ABCA2: variants seen among roughly 807,000 people sequenced by gnomAD.
The protein encoded by ABCA2 is ATP binding cassette subfamily A member 2, also known as ATP-binding cassette sub-family A member 2.
Under a neutral mutation model 262.8 loss-of-function variants are expected in ABCA2, and 84 were observed. The observed-to-expected ratio is 0.32, with a 90% confidence interval of 0.27 to 0.38. ABCA2 has a LOEUF of 0.38. Among genes scored for constraint, ABCA2 ranks in the 10% least tolerant of loss-of-function variants. The probability of loss-of-function intolerance (pLI) is 1.00; values close to 1 mark genes in which losing one functional copy is unlikely to be tolerated. For missense variants in ABCA2, 2,662 were observed against 3,405.9 expected (o/e 0.78, Z 5.44); for synonymous variants, 1,696 against 1,502.9 (o/e 1.13, Z -2.97).
Position 137,018,365 on chromosome 9 carries a change from G to A in ABCA2, c.1820-14C>T. 1 of 1,509,458 alleles carries A rather than the reference G, an allele frequency of 6.6e-7. No homozygotes were observed. 93.5% of individuals were successfully genotyped at this position (1,509,458 alleles called of 1,614,324 possible). ...GGAAGATCACACCTGGGGCCGGGAG[G>A]TTGGGGCGGGGCCAAGATGCAGGGG... On this transcript the variant is annotated splice_polypyrimidine_tract_variant and intron_variant, in intron 13 of 48. Coordinates refer to ENST00000341511, the MANE Select transcript of ABCA2 (RefSeq NM_001606.5).
chr9:137,009,947 C>T (rs376789158), intron 42 of ABCA2, 36 bp downstream of exon 42: 67 of 1,596,046 alleles, frequency 4.2e-5, no homozygotes, highest in Non-Finnish European at 5.2e-5. Flanking sequence ...GGCCACCCAG[C>T]GTGCTGACTC....
Position 137,022,145 on chromosome 9 carries a change from G to A in ABCA2, c.568-144C>T, listed in dbSNP as rs1376736809. ...AGTGGGGGCGTGGCTCAGATGGTGG[G>A]GGCGTGGCTCCGATGTAGGTGTGGG... On this transcript the variant is annotated intron_variant, in intron 6 of 48. Coordinates refer to ENST00000341511, the MANE Select transcript of ABCA2 (RefSeq NM_001606.5). The A allele has an allele frequency of 1.6e-5, 10 of 635,164 alleles. No homozygotes were observed. In the Admixed American group the frequency reaches 1.6e-4, roughly 10 times the overall value. The allele number at this position is 635,164 out of a possible 1,614,324, so 39.3% of individuals were successfully genotyped here. A position where few individuals can be genotyped will look rare whatever the true frequency, so the allele number is the denominator to read the frequency against.
At chr9:137,022,051 AGATGGTGGGGGCGTGGCTCC>A in intron 6 of ABCA2, 50 bp from the exon 7 acceptor site, 1 of 165,126 alleles carries the variant, frequency 6.1e-6, no homozygotes, top group Non-Finnish European at 9.2e-6. Flanking sequence ...GGCGTGGCTC[AGATGGTGGGGGCGTGGCTCC>A]GATGGACGTG....
rs777584299 is a variant in ABCA2, at chr9:137,011,358, C to T, written c.5799+49G>A. On this transcript the variant is annotated intron_variant, in intron 37 of 48. Coordinates refer to ENST00000341511, the MANE Select transcript of ABCA2 (RefSeq NM_001606.5). The surrounding 1 kb of genome is among the most constrained non-coding windows in gnomAD (Gnocchi z 8.8). ...GCACAGGGGTGGCCGGGGTGAGGGG[C>T]ACAGCCTCCGCAGGGTCCGCCACCC... 5.6e-6 allele frequency: 9 copies of T among 1,604,914 alleles called. No individual in the cohort carries two copies. Among genetic ancestry groups the T allele is most frequent in the Admixed American group, 1.7e-5 (1 of 59,482 alleles).
chr9:137,024,339 C>A, intron 1 of ABCA2, 103 bp from the exon 2 acceptor site: 1 of 1,004,336 alleles, frequency 1.0e-6, no homozygotes, highest in Non-Finnish European at 1.4e-6. Flanking sequence ...ACCACGTGCT[C>A]CCTGGGGCCA....
chr9:137,021,559 A>C lies in ABCA2; in HGVS notation c.730T>G (p.Ser244Ala), dbSNP rs1831454441. ...GTGAGGATCCGGCCCAGCTCCCCCGAGCCCGGCGTGCAGGTGAGCTGCTCC... is the reference window on the plus strand; with the variant it reads ...GTGAGGATCCGGCCCAGCTCCCCCGCGCCCGGCGTGCAGGTGAGCTGCTCC... ...LLEQLTCTPG[S>A]GELGRILTVP... Residue 244 changes from serine (S) to alanine (A), a missense_variant, in exon 8 of 49, where the codon TCG becomes GCG. Transcript: ENST00000341511. The surrounding 1 kb of genome is among the most constrained non-coding windows in gnomAD (Gnocchi z 6.0). 1 of 1,581,534 alleles carries C rather than the reference A, an allele frequency of 6.3e-7. No homozygotes were observed. Among genetic ancestry groups the C allele is most frequent in the African/African-American group, 1.3e-5 (1 of 74,106 alleles).
At chr9:137,009,327 C>G (rs757469451) in intron 45 of ABCA2, 43 bp downstream of exon 45, 70 of 1,069,488 alleles carry the variant, frequency 6.5e-5, no homozygotes, top group Admixed American at 5.2e-4. Flanking sequence ...GGCCGCCCCC[C>G]CCGGGCCCGC....
chr9:137,026,250 T>C (rs1831650053), intron 1 of ABCA2, among the ~76,000 whole-genome samples: 1 of 151,910 alleles, frequency 6.6e-6, no homozygotes, highest in Admixed American at 6.6e-5. Flanking sequence ...AGCACAGAGG[T>C]CCTTGGCACC....
In ABCA2 at chr9:137,010,982, C is replaced by T. The variant is rs369178158; in HGVS notation, c.6047G>A (p.Arg2016Gln). ...LTIMCQYNFL[R>Q]RPQRMPVSTK... ...CCCGCCCCCCACTCACTGTGGCCGC[C>T]GCAGGAAGTTGTACTGGCACATGAT... Residue 2016 changes from arginine to glutamine, a missense_variant, in exon 39 of 49, where the codon CGG becomes CAG. Coordinates refer to ENST00000341511, the MANE Select transcript of ABCA2 (RefSeq NM_001606.5). The T allele has an allele frequency of 8.9e-6, 14 of 1,580,938 alleles. No individual in the cohort carries two copies. The highest frequency in any genetic ancestry group is 2.1e-4 in the Middle Eastern group (1 of 4,816).
chr9:137,010,911 C>T, intron 39 of ABCA2, 62 bp downstream of exon 39: 1 of 525,236 alleles, frequency 1.9e-6, no homozygotes, highest in Middle Eastern at 5.6e-4. Context: ...CCCTACCCTG[C>T]CCCACCCCCG....
rs773000642 is a variant in ABCA2 at position 137,017,999 on chromosome 9, G to A, written c.2070C>T (p.Phe690=). 2.1e-5 allele frequency: 34 copies of A among 1,612,666 alleles called. No homozygotes were observed. The highest frequency in any genetic ancestry group is 1.6e-4 in the East Asian group (7 of 44,904). The part of the protein sequence containing the change: ...VVEPGSYVQM[F]PYPCYTRDDF... ...CATCGCGTGTGTAGCAGGGGTAGGGGAACATCTGCACGTAGCTGCCTGGCT... is the reference window on the plus strand; with the variant it reads ...CATCGCGTGTGTAGCAGGGGTAGGGAAACATCTGCACGTAGCTGCCTGGCT... The change falls in exon 15 of 49, where the codon TTC becomes TTT. Residue 690 remains phenylalanine (F), a synonymous_variant. Coordinates refer to ENST00000341511, the MANE Select transcript of ABCA2 (RefSeq NM_001606.5).
chr9:137,014,897 C>G lies in ABCA2; in HGVS notation c.3882+16G>C, dbSNP rs376671094. The stretch of plus-strand genomic sequence containing the variant: ...CCACCACCTGCAACTGCCCCCCGAC[C>G]CGTGCGCCCTCACACCTGGAAGAGG... On this transcript the variant is annotated intron_variant, in intron 25 of 48. Coordinates refer to ENST00000341511, the MANE Select transcript of ABCA2 (RefSeq NM_001606.5). 8 of 1,578,270 alleles carry G rather than the reference C, an allele frequency of 5.1e-6. No individual in the cohort carries two copies. Among genetic ancestry groups the G allele is most frequent in the Middle Eastern group, 3.4e-4 (2 of 5,922 alleles).
rs1163273841 is a variant in ABCA2 at position 137,017,988 on chromosome 9, CAGGGGTAGGGGAA to C, written c.2068_2080del (p.Phe690AlafsTer14). ...CAGCACTCACTCATCGCGTGTGTAG[CAGGGGTAGGGGAA>C]CATCTGCACGTAGCTGCCTGGCTCC... On this transcript the variant is annotated frameshift_variant, in exon 15 of 49. Coordinates refer to ENST00000341511, the MANE Select transcript of ABCA2 (RefSeq NM_001606.5). LOFTEE classifies it high-confidence loss of function. The C allele has an allele frequency of 6.2e-7, 1 of 1,612,776 alleles. No individual in the cohort carries two copies. The highest frequency in any genetic ancestry group is 1.1e-5 in the South Asian group (1 of 91,092).
rs748689642 is a variant in ABCA2 at position 137,009,444 on chromosome 9, C to T, written c.6753G>A (p.Ala2251=). Reference sequence around the variant, plus strand: ...CCATGATGGCCAGCCGCGTGCACAGCGCCTCGCACTCCTCCATGCTGTGGG... The same window carrying T: ...CCATGATGGCCAGCCGCGTGCACAGTGCCTCGCACTCCTCCATGCTGTGGG... ...LTSHSMEECE[A]LCTRLAIMVN... The change falls in exon 45 of 49, where the codon GCG becomes GCA. Residue 2251 remains alanine (A), a synonymous_variant. Transcript: ENST00000341511. 9.3e-6 allele frequency: 15 copies of T among 1,610,490 alleles called. No homozygotes were observed. Among genetic ancestry groups the T allele is most frequent in the East Asian group, 4.5e-5 (2 of 44,856 alleles).
rs1480881018 is a variant in ABCA2 at position 137,012,598 on chromosome 9, G to C, written c.5082-8C>G. 2 of 1,611,322 alleles carry C rather than the reference G, an allele frequency of 1.2e-6. No homozygotes were observed. Among genetic ancestry groups the C allele is most frequent in the African/African-American group, 1.3e-5 (1 of 74,946 alleles). On this transcript the variant is annotated splice_region_variant and splice_polypyrimidine_tract_variant and intron_variant, in intron 31 of 48. Transcript: ENST00000341511. ...AAGGTGATGGCCCCATACCTGGGCAGGCAGGTGGGAGGGGCGGTGAGGCTA... is the reference window on the plus strand; with the variant it reads ...AAGGTGATGGCCCCATACCTGGGCACGCAGGTGGGAGGGGCGGTGAGGCTA...
chr9:137,021,288 G>C lies in ABCA2; in HGVS notation c.897+104C>G. 7.0e-7 allele frequency: 1 copy of C among 1,429,054 alleles called. No individual in the cohort carries two copies. Among genetic ancestry groups the C allele is most frequent in the Non-Finnish European group, 9.4e-7 (1 of 1,060,240 alleles). The allele number at this position is 1,429,054 out of a possible 1,614,324, so 88.5% of individuals were successfully genotyped here. ...TACCCACCCACAGGCAGCATCCCACGCACAGCCTGGGCCCAGGAGCCCTGA... is the reference window on the plus strand; with the variant it reads ...TACCCACCCACAGGCAGCATCCCACCCACAGCCTGGGCCCAGGAGCCCTGA... On this transcript the variant is annotated intron_variant, in intron 8 of 48. Coordinates refer to ENST00000341511, the MANE Select transcript of ABCA2 (RefSeq NM_001606.5). The surrounding 1 kb of genome is among the most constrained non-coding windows in gnomAD (Gnocchi z 6.0).
chr9:137,016,009 T>C lies in ABCA2; in HGVS notation c.3270A>G (p.Ser1090=), dbSNP rs759263987. 6 of 1,557,564 alleles carry C rather than the reference T, an allele frequency of 3.9e-6. No individual in the cohort carries two copies. The Admixed American group carries it at 7.0e-5, about 18-fold the overall frequency. The change falls in exon 22 of 49, where the codon TCA becomes TCG. Residue 1090 remains serine (S), a synonymous_variant. Transcript: ENST00000341511. ...LTVEEHLWFY[S]RLKSMAQEEI... ...CCTCCTGAGCCATGCTCTTGAGCCG[T>C]GAGTAGAACCAGAGGTGTTCCTCCA...
At chr9:137,010,527 T>G in intron 40 of ABCA2, 93 bp downstream of exon 40, 2 of 960,416 alleles carry the variant, frequency 2.1e-6, no homozygotes, top group Non-Finnish European at 1.4e-6. Flanking sequence ...CTCAGGGCCC[T>G]GCCCACCCAG....
chr9:137,018,868 G>A (rs766455355), intron 12 of ABCA2, 35 bp downstream of exon 12: 72 of 1,612,170 alleles, frequency 4.5e-5, no homozygotes, highest in Non-Finnish European at 5.5e-5. Flanking sequence ...GAGGCAGGGG[G>A]TGTCGTGGGT....
Sources: gnomAD v4.1 joint callset for allele counts (sites outside exome capture counted in the v4.1 genomes callset) on GRCh38, gnomAD v4.1.1 for gene constraint, Gnocchi (gnomAD v3.1) non-coding constraint, MANE v1.5 for transcripts, NCBI Gene and HGNC (gene_info 2026-07-23, HGNC 2026-07-21) for gene names.